Variants in MYO1E observed in about 807,000 individuals in gnomAD.
MYO1E encodes the protein myosin IE.
MYO1E carries 68 observed loss-of-function variants against 151.1 expected under a neutral mutation model. The observed-to-expected ratio is 0.45, with a 90% CI of 0.37 to 0.55. The LOEUF (loss-of-function observed/expected upper bound fraction) is 0.55. MYO1E is among the 20% of genes least tolerant of loss of function. MYO1E has a pLI of 0.00. For missense variants in MYO1E, 1,363 were observed against 1,389.3 expected, an observed-to-expected ratio of 0.98 and a Z score of 0.30; for synonymous variants, 601 against 501.7, an observed-to-expected ratio of 1.20 and a Z score of -2.64.
At chr15:59,365,814 A>G (rs951117060) in intron 1 of MYO1E, among the ~76,000 whole-genome samples, 2 of 152,330 alleles carry the variant, frequency 1.3e-5, no homozygotes, top group East Asian at 1.9e-4. Flanking sequence ...TGGATACTGC[A>G]TATCTTTAGT....
At chr15:59,367,199 G>A (rs1200132077) in intron 1 of MYO1E, among the ~76,000 whole-genome samples, 1 of 152,270 alleles carries the variant, frequency 6.6e-6, no homozygotes, top group African/African-American at 2.4e-5. Context: ...TGGCTCATGA[G>A]GAAACGCAAG....
intron 1 of MYO1E, among the ~76,000 whole-genome samples, chr15:59,355,165 T>C (rs1230416459): frequency 6.6e-6 from 1 of 152,124 alleles, no homozygotes; most frequent in African/African-American, 2.4e-5. Context: ...ATGCCAGAAA[T>C]ACAAACACAA....
intron 1 of MYO1E, among the ~76,000 whole-genome samples, chr15:59,285,282 C>G (rs1477256256): frequency 2.0e-5 from 3 of 149,758 alleles, no homozygotes; most frequent in African/African-American, 7.3e-5. Context: ...TCAGTGGAGG[C>G]TGAGACAGAA....
rs1382381180 is a variant in MYO1E at position 59,137,278 on chromosome 15, A to G, written c.*102T>C. ...ACCAGAATAGCTCCAGGCCTTGGAG[A>G]AGCAATTGCTCATTGTGGATTGTAA... On this transcript the variant is annotated 3_prime_UTR_variant, in exon 28 of 28. Transcript: ENST00000288235. 1 of 1,070,462 alleles carries G rather than the reference A, an allele frequency of 9.3e-7. No homozygotes were observed. The highest frequency in any genetic ancestry group is 1.6e-5 in the African/African-American group (1 of 64,442). The allele number at this position is 1,070,462 out of a possible 1,614,324, so 66.3% of individuals were successfully genotyped here. A position where few individuals can be genotyped will look rare whatever the true frequency, so the allele number is the denominator to read the frequency against.
chr15:59,209,071 C>T, intron 13 of MYO1E: 1 of 604,438 alleles, frequency 1.7e-6, no homozygotes, highest in African/African-American at 1.8e-5. Flanking sequence ...AGCTGTTTAA[C>T]TCCCTGAAGT....
intron 1 of MYO1E, among the ~76,000 whole-genome samples, chr15:59,309,162 A>G (rs1323880566): frequency 6.6e-6 from 1 of 152,082 alleles, no homozygotes; most frequent in Admixed American, 6.6e-5. Flanking sequence ...GAGAAGGAAG[A>G]TTGATGGGGA....
At chr15:59,332,236 A>G (rs1170394478) in intron 1 of MYO1E, among the ~76,000 whole-genome samples, 1 of 152,222 alleles carries the variant, frequency 6.6e-6, no homozygotes, top group African/African-American at 2.4e-5. Context: ...AGTCACGGGT[A>G]AGGGAGAATT....
chr15:59,297,931 C>A (rs186458027), intron 1 of MYO1E, among the ~76,000 whole-genome samples: 25 of 152,234 alleles, frequency 1.6e-4, no homozygotes, highest in Admixed American at 7.2e-4. Context: ...TATAGAATTT[C>A]CCTCCATTTG....
intron 1 of MYO1E, among the ~76,000 whole-genome samples, chr15:59,276,932 G>T (rs764962355): frequency 2.0e-5 from 3 of 152,146 alleles, no homozygotes; most frequent in Non-Finnish European, 4.4e-5. Context: ...ACGCGGCAGC[G>T]GTTCTGCAAA....
intron 21 of MYO1E, among the ~76,000 whole-genome samples, chr15:59,172,258 G>A (rs2079600028): frequency 6.6e-6 from 1 of 152,206 alleles, no homozygotes; most frequent in South Asian, 2.1e-4. Context: ...TTGGGAGGCT[G>A]AGGCAGGAGA....
At chr15:59,317,760 G>C (rs544880365) in intron 1 of MYO1E, among the ~76,000 whole-genome samples, 5 of 152,318 alleles carry the variant, frequency 3.3e-5, no homozygotes, top group African/African-American at 1.2e-4. Context: ...CTAAAGATGA[G>C]CAATGGAAGA....
intron 1 of MYO1E, among the ~76,000 whole-genome samples, chr15:59,343,619 C>T: frequency 6.6e-6 from 1 of 152,114 alleles, no homozygotes; most frequent in Middle Eastern, 3.2e-3. Context: ...TCTCTACCTC[C>T]TTTAAGGCCA....
At chr15:59,310,242 G>A (rs1223762439) in intron 1 of MYO1E, among the ~76,000 whole-genome samples, 1 of 152,170 alleles carries the variant, frequency 6.6e-6, no homozygotes, top group Non-Finnish European at 1.5e-5. Context: ...GCCCCCTTGA[G>A]TCCTAAAATG....
intron 22 of MYO1E, among the ~76,000 whole-genome samples, chr15:59,168,177 A>G (rs935934769): frequency 2.0e-5 from 3 of 152,202 alleles, no homozygotes; most frequent in Non-Finnish European, 4.4e-5. Flanking sequence ...AGAAAAGATA[A>G]AGACTTCTAA....
intron 1 of MYO1E, among the ~76,000 whole-genome samples, chr15:59,296,456 G>C (rs892606912): frequency 6.6e-6 from 1 of 152,192 alleles, no homozygotes; most frequent in African/African-American, 2.4e-5. Context: ...AAAATTCTTG[G>C]CTCTGCATGG....
intron 18 of MYO1E, among the ~76,000 whole-genome samples, chr15:59,179,907 GAGCACATCCAGGGCCCAGGCAAT>G (rs2079648315): frequency 6.6e-6 from 1 of 152,256 alleles, no homozygotes; most frequent in South Asian, 2.1e-4. Context: ...GCCCACGTGA[GAGCACATCCAGGGCCCAGGCAAT>G]AGGCCCCCAG....
At chr15:59,268,720 A>ATGTTTTTTTT (rs2080271280) in intron 2 of MYO1E, among the ~76,000 whole-genome samples, 1 of 44,906 alleles carries the variant, frequency 2.2e-5, no homozygotes, top group Non-Finnish European at 4.9e-5. Context: ...TGACTTTGGT[A>ATGTTTTTTTT]TTTTTTTTTT....
chr15:59,197,625 G>C, intron 16 of MYO1E, among the ~76,000 whole-genome samples: 1 of 152,208 alleles, frequency 6.6e-6, no homozygotes, highest in East Asian at 1.9e-4. Context: ...TTGCATGAAA[G>C]AGAAGTAAGG....
intron 15 of MYO1E, 120 bp from the exon 16 acceptor site, chr15:59,202,527 A>G: frequency 1.1e-6 from 1 of 906,328 alleles, no homozygotes; most frequent in Admixed American, 1.9e-5. Context: ...GCTACAGAAA[A>G]GCCATCTGAC....
Sources: gnomAD v4.1 joint callset for allele counts (sites outside exome capture counted in the v4.1 genomes callset) on GRCh38, gnomAD v4.1.1 for gene constraint, MANE v1.5 for transcripts, NCBI Gene and HGNC (gene_info 2026-07-23, HGNC 2026-07-21) for gene names.